The following MALRD1 variants were observed in gnomAD, a reference collection of about 807,000 sequenced individuals.
MALRD1 encodes the protein MAM and LDL-receptor class A domain-containing protein 1.
A neutral mutation model predicts 242.1 loss-of-function variants in MALRD1; 247 were observed. The ratio of observed to expected loss-of-function variants is 1.02; its 90% CI spans 0.92 to 1.13. MALRD1 has a LOEUF of 1.13. Among genes scored for constraint, MALRD1 ranks in the 50% most tolerant of loss-of-function variants. The pLI is 0.00. For missense variants in MALRD1, 2,989 were observed against 2,533.1 expected, an observed-to-expected ratio of 1.18 and a Z score of -3.86; for synonymous variants, 995 against 866.6, an observed-to-expected ratio of 1.15 and a Z score of -2.60.
chr10:19,517,475 C>T (rs1378833576), intron 31 of MALRD1, among the ~76,000 whole-genome samples: 1 of 152,140 alleles, frequency 6.6e-6, no homozygotes, highest in Non-Finnish European at 1.5e-5. Flanking sequence ...TGCATCATGC[C>T]TTTTCTAAAG....
At chr10:19,686,550 A>T (rs575019237) in intron 36 of MALRD1, among the ~76,000 whole-genome samples, 1 of 152,260 alleles carries the variant, frequency 6.6e-6, no homozygotes, top group Non-Finnish European at 1.5e-5. Context: ...CTCCAGTTTC[A>T]GGTGTTTCTA....
At chr10:19,175,635 T>G (rs1275216997) in intron 14 of MALRD1, among the ~76,000 whole-genome samples, 22 of 151,704 alleles carry the variant, frequency 1.5e-4, no homozygotes, top group Admixed American at 1.2e-3. Context: ...TTAAATACAC[T>G]TTTATAAATA....
chr10:19,454,454 A>C (rs898230087), intron 29 of MALRD1, among the ~76,000 whole-genome samples: 4 of 132,942 alleles, frequency 3.0e-5, no homozygotes, highest in African/African-American at 1.1e-4. Flanking sequence ...CATACATATA[A>C]ATTATATATA....
rs560429074 is a variant in MALRD1 at position 19,251,178 on chromosome 10, G to A, written c.2992-6506G>A. Among the ~76,000 whole-genome samples, 7 of 152,020 alleles carry A rather than the reference G, an allele frequency of 4.6e-5. No homozygotes were observed. In the South Asian group the frequency reaches 6.2e-4, roughly 14 times the overall value. ...TACATTAGAAAAGAATTAAGGGATC[G>A]TAATGCTTCCACAAATGAAATATTT... On this transcript the variant is annotated intron_variant, in intron 18 of 39. Transcript: ENST00000454679.
intron 11 of MALRD1, among the ~76,000 whole-genome samples, chr10:19,151,457 A>G (rs1833939886): frequency 6.6e-6 from 1 of 152,144 alleles, no homozygotes; most frequent in African/African-American, 2.4e-5. Flanking sequence ...TAGGATCACA[A>G]TTATTTTGTC....
At chr10:19,618,487 A>G (rs908317409) in intron 36 of MALRD1, among the ~76,000 whole-genome samples, 3 of 152,174 alleles carry the variant, frequency 2.0e-5, no homozygotes, top group Middle Eastern at 3.4e-3. Flanking sequence ...CAACCTTGCT[A>G]GCATCTGATA....
At chr10:19,331,284 C>T (rs903338764) in intron 23 of MALRD1, 85 bp from the exon 24 acceptor site, 147 of 1,094,386 alleles carry the variant, frequency 1.3e-4, no homozygotes, top group Non-Finnish European at 1.6e-4. Context: ...AACAGATTCA[C>T]GATTGATGTG....
intron 24 of MALRD1, among the ~76,000 whole-genome samples, chr10:19,342,225 G>A (rs1843917389): frequency 6.6e-6 from 1 of 152,118 alleles, no homozygotes; most frequent in African/African-American, 2.4e-5. Context: ...CTAGGGAGTA[G>A]TACACCAGTG....
In MALRD1 at chr10:19,104,091, C is replaced by T. The variant is rs1221878749; in HGVS notation, c.694+16C>T. ...CCTGCCAATGGTAAGAACTTTTTCT[C>T]TCATTTTGATCTTTACTGTGTTTAA... On this transcript the variant is annotated intron_variant, in intron 5 of 39. Transcript: ENST00000454679. 5.8e-6 allele frequency: 7 copies of T among 1,202,580 alleles called. No homozygotes were observed. The highest frequency in any genetic ancestry group is 6.3e-6 in the Non-Finnish European group (6 of 959,960). 74.5% of individuals were successfully genotyped at this position (1,202,580 alleles called of 1,614,324 possible).
intron 34 of MALRD1, among the ~76,000 whole-genome samples, chr10:19,596,706 C>A (rs1321609826): frequency 1.9e-4 from 29 of 151,050 alleles, no homozygotes; most frequent in Non-Finnish European, 3.1e-4. Context: ...ACCACTGCAC[C>A]CCAGCCTGGG....
chr10:19,694,608 G>C (rs982929258), intron 38 of MALRD1, among the ~76,000 whole-genome samples: 121 of 152,232 alleles, frequency 7.9e-4, no homozygotes, highest in African/African-American at 2.5e-3. Flanking sequence ...AATAGGAACA[G>C]TTTTACACTG....
chr10:19,643,753 C>T (rs988445058), intron 36 of MALRD1, among the ~76,000 whole-genome samples: 3 of 152,222 alleles, frequency 2.0e-5, no homozygotes, highest in East Asian at 1.9e-4. Context: ...GCATGCATTG[C>T]GTTTCCCGTT....
At chr10:19,413,957 A>G (rs35169883) in intron 28 of MALRD1, among the ~76,000 whole-genome samples, 1 of 132,434 alleles carries the variant, frequency 7.6e-6, no homozygotes, top group Non-Finnish European at 1.7e-5. Flanking sequence ...TCTCAAAAAA[A>G]CAAAAACCAA....
intron 28 of MALRD1, among the ~76,000 whole-genome samples, chr10:19,391,739 GA>G (rs150910131): frequency 0.057 from 8,717 of 152,258 alleles, 504 homozygotes; most frequent in African/African-American, 0.15. Flanking sequence ...TGCAGTTCCA[GA>G]AAGATTCCTG....
chr10:19,163,205 A>G (rs1834517708), intron 12 of MALRD1, among the ~76,000 whole-genome samples: 1 of 146,898 alleles, frequency 6.8e-6, no homozygotes, highest in African/African-American at 2.5e-5. Flanking sequence ...CATGTATGTG[A>G]ATGGTCATTG....
At chr10:19,415,268 C>T (rs1380456707) in intron 28 of MALRD1, among the ~76,000 whole-genome samples, 2 of 151,990 alleles carry the variant, frequency 1.3e-5, no homozygotes, top group African/African-American at 4.8e-5. Flanking sequence ...TTTATTTGGG[C>T]GTTGACCATA....
At chr10:19,238,336 A>AAT (rs1277496463) in intron 18 of MALRD1, among the ~76,000 whole-genome samples, 1 of 77,648 alleles carries the variant, frequency 1.3e-5, no homozygotes, top group Non-Finnish European at 2.2e-5. Flanking sequence ...TATTATACAT[A>AAT]ATATATTATA....
intron 26 of MALRD1, among the ~76,000 whole-genome samples, chr10:19,367,436 G>A (rs923325937): frequency 4.6e-5 from 7 of 152,058 alleles, no homozygotes; most frequent in African/African-American, 1.4e-4. Flanking sequence ...TGCTGCTCAC[G>A]ATGGGATTTC....
intron 32 of MALRD1, among the ~76,000 whole-genome samples, chr10:19,547,812 ATATATATTTTT>A (rs1835295164): frequency 1.4e-4 from 2 of 14,224 alleles, no homozygotes; most frequent in African/African-American, 2.3e-4. Context: ...ATATATATAT[ATATATATTTTT>A]TTTTTTTTTT....
Sources: gnomAD v4.1 joint callset for allele counts (sites outside exome capture counted in the v4.1 genomes callset) on GRCh38, gnomAD v4.1.1 for gene constraint, MANE v1.5 for transcripts, NCBI Gene and HGNC (gene_info 2026-07-23, HGNC 2026-07-21) for gene names.